The following PSG5 variants were observed in gnomAD, a reference collection of about 807,000 sequenced individuals.
PSG5 encodes the protein pregnancy specific beta-1-glycoprotein 5, also known as pregnancy-specific beta-1-glycoprotein 5.
PSG5 carries 53 observed loss-of-function variants against 37.7 expected under a neutral mutation model. The ratio of observed to expected loss-of-function variants is 1.41; its 90% CI spans 1.13 to 1.77. The LOEUF (loss-of-function observed/expected upper bound fraction) is 1.77, where lower values mean the gene tolerates loss of function less well. Among genes scored for constraint, PSG5 ranks in the 40% most tolerant of loss-of-function variants. PSG5 has a pLI of 0.00. For missense variants in PSG5, 547 were observed against 405.2 expected (o/e 1.35, Z -3.00); for synonymous variants, 221 against 155.4 (o/e 1.42, Z -3.14).
chr19:43,167,791 A>T lies in PSG5; in HGVS notation c.*453T>A, dbSNP rs1409487704. The T allele has an allele frequency of 1.4e-5, 3 of 219,486 alleles. No homozygotes were observed. Among genetic ancestry groups the T allele is most frequent in the African/African-American group, 6.8e-5 (3 of 43,858 alleles). The allele number at this position is 219,486 out of a possible 1,614,324, so 13.6% of individuals were successfully genotyped here. On this transcript the variant is annotated 3_prime_UTR_variant, in exon 6 of 6. Transcript: ENST00000342951. ...TACCATAAACATATGAATACTCATG[A>T]ATAGTTTCCCAATTCTGGGGCACTC...
chr19:43,176,112 G>A lies in PSG5; in HGVS notation c.467C>T (p.Ser156Leu), dbSNP rs4028471. 2 of 1,611,210 alleles carry A rather than the reference G, an allele frequency of 1.2e-6. No individual in the cohort carries two copies. The highest frequency in any genetic ancestry group is 1.7e-6 in the Non-Finnish European group (2 of 1,179,142). Reference sequence around the variant, plus strand: ...GACATCCTTATTCTCCCTGGGTTTTGAGTTGTTGATGGTGATGTAGGGCTT... The same window carrying A: ...GACATCCTTATTCTCCCTGGGTTTTAAGTTGTTGATGGTGATGTAGGGCTT... Reference protein sequence around the residue: ...LPKPYITINNSKPRENKDVLA... With the variant: ...LPKPYITINNLKPRENKDVLA... The change falls in exon 3 of 6, where the codon TCA becomes TTA. Residue 156 changes from serine to leucine, a missense_variant. Coordinates refer to ENST00000342951, the MANE Select transcript of PSG5 (RefSeq NM_002781.4).
Position 43,175,380 on chromosome 19 carries a change from G to T in PSG5, c.799C>A (p.Pro267Thr). 1 of 1,612,856 alleles carries T rather than the reference G, an allele frequency of 6.2e-7. No individual in the cohort carries two copies. The highest frequency in any genetic ancestry group is 8.5e-7 in the Non-Finnish European group (1 of 1,179,268). The change falls in exon 4 of 6, where the codon CCA becomes ACA. Residue 267 changes from proline (P) to threonine (T), a missense_variant. Transcript: ENST00000342951. ...ATTGTCCAAAAATACTCTGCCGGTG[G>T]GTTAGATTCCGCGAAGCAGGACAAG... ...LYLSCFAESN[P>T]PAEYFWTING...
At chr19:43,174,397 T>G (rs1968962044) in intron 4 of PSG5, 1 of 829,966 alleles carries the variant, frequency 1.2e-6, no homozygotes, top group Admixed American at 6.3e-5. Context: ...AATTACACAC[T>G]TTTTGGCACT....
chr19:43,182,453 G>C (rs1476046925), intron 2 of PSG5, among the ~76,000 whole-genome samples: 1 of 151,492 alleles, frequency 6.6e-6, no homozygotes, highest in Non-Finnish European at 1.5e-5. Flanking sequence ...TAATGGCTCA[G>C]CCAGTCATGT....
At chr19:43,178,876 C>G in intron 2 of PSG5, 1 of 1,612,866 alleles carries the variant, frequency 6.2e-7, no homozygotes, top group Non-Finnish European at 8.5e-7. Flanking sequence ...AGAGGATACT[C>G]ACGGAGGAGA....
intron 2 of PSG5, chr19:43,178,865 C>A: frequency 6.2e-7 from 1 of 1,612,906 alleles, no homozygotes; most frequent in Non-Finnish European, 8.5e-7. Flanking sequence ...CACAGAGGAA[C>A]AGAGGATACT....
chr19:43,185,638 G>A (rs764474719), intron 1 of PSG5, among the ~76,000 whole-genome samples: 2 of 151,510 alleles, frequency 1.3e-5, no homozygotes, highest in African/African-American at 4.9e-5. Context: ...AGCTCTGTGA[G>A]GACAGGGACT....
In PSG5 at chr19:43,175,480, G is replaced by C; in HGVS notation, c.710-11C>G. The C allele has an allele frequency of 1.9e-6, 3 of 1,599,092 alleles. No homozygotes were observed. Among genetic ancestry groups the C allele is most frequent in the South Asian group, 1.1e-5 (1 of 88,474 alleles). On this transcript the variant is annotated splice_polypyrimidine_tract_variant and intron_variant, in intron 3 of 5. Coordinates refer to ENST00000342951, the MANE Select transcript of PSG5 (RefSeq NM_002781.4). ...GGAGGTCTGGACCATCTGGAGCAAA[G>C]AGAATGAAGCCACAGGTGATGTCAT...
In PSG5 at chr19:43,170,515, C is replaced by CA. The variant is rs1012244343; in HGVS notation, c.965-378dup. ...CATGAATGAGACTCTGTCAGGTCTCCATGGCAGGGAGCTGATTGACAGAAG... is the reference window on the plus strand; with the variant it reads ...CATGAATGAGACTCTGTCAGGTCTCCAATGGCAGGGAGCTGATTGACAGAAG... On this transcript the variant is annotated intron_variant, in intron 4 of 5. Transcript: ENST00000342951. 26 of 445,038 alleles carry CA rather than the reference C, an allele frequency of 5.8e-5. 1 individual carries two copies. The highest frequency in any genetic ancestry group is 5.4e-4 in the African/African-American group (26 of 47,892). 27.6% of individuals were successfully genotyped at this position (445,038 alleles called of 1,614,324 possible). A position where few individuals can be genotyped will look rare whatever the true frequency, so the allele number is the denominator to read the frequency against.
In PSG5 at chr19:43,168,135, C is replaced by T. The variant is rs774891766; in HGVS notation, c.*109G>A. ...TTGTCAGAGTCTTTTCCATAAATCT[C>T]CTTGAAGAAAAAGCAATTTTGGACT... is the stretch of plus-strand genomic sequence containing the variant. On this transcript the variant is annotated 3_prime_UTR_variant, in exon 6 of 6. Coordinates refer to ENST00000342951, the MANE Select transcript of PSG5 (RefSeq NM_002781.4). 2.3e-6 allele frequency: 1 copy of T among 442,694 alleles called. No individual in the cohort carries two copies. Among genetic ancestry groups the T allele is most frequent in the Non-Finnish European group, 4.1e-6 (1 of 246,912 alleles). The allele number at this position is 442,694 out of a possible 1,614,324, so 27.4% of individuals were successfully genotyped here.
Position 43,175,596 on chromosome 19 carries a change from A to C in PSG5, c.710-127T>G. 2.8e-6 allele frequency: 4 copies of C among 1,453,498 alleles called. No individual in the cohort carries two copies. In the South Asian group the frequency reaches 5.5e-5, roughly 20 times the overall value. 90.0% of individuals were successfully genotyped at this position (1,453,498 alleles called of 1,614,324 possible). A position where few individuals can be genotyped will look rare whatever the true frequency, so the allele number is the denominator to read the frequency against. On this transcript the variant is annotated intron_variant, in intron 3 of 5. Coordinates refer to ENST00000342951, the MANE Select transcript of PSG5 (RefSeq NM_002781.4). ...CTCAAGTCCCAGCCGAACCCCCACT[A>C]TATTCACTGAGCCAAAGCCTGAGGT...
At position 43,175,412 on chromosome 19, in the gene PSG5, T is replaced by C; in HGVS notation, c.767A>G (p.Asn256Ser). The C allele has an allele frequency of 6.2e-7, 1 of 1,612,394 alleles. No homozygotes were observed. Among genetic ancestry groups the C allele is most frequent in the East Asian group, 2.2e-5 (1 of 44,872 alleles). The change falls in exon 4 of 6, where the codon AAC becomes AGC. Residue 256 changes from asparagine to serine, a missense_variant. Asn to Ser is a conservative substitution (Grantham distance 46). Coordinates refer to ENST00000342951, the MANE Select transcript of PSG5 (RefSeq NM_002781.4). ...TTCCGCGAAGCAGGACAAGTAGAGG[T>C]TTTCTCCTGAACGGTAATAGGTGAA... ...PSFTYYRSGE[N>S]LYLSCFAESN...
chr19:43,175,315 G>C lies in PSG5; in HGVS notation c.864C>G (p.Ile288Met). The C allele has an allele frequency of 6.2e-7, 1 of 1,612,812 alleles. No homozygotes were observed. The highest frequency in any genetic ancestry group is 8.5e-7 in the Non-Finnish European group (1 of 1,179,234). The change falls in exon 4 of 6, where the codon ATC (isoleucine) becomes ATG (methionine). Residue 288 changes from isoleucine to methionine, a missense_variant. Ile to Met is a conservative substitution (Grantham distance 10). Coordinates refer to ENST00000342951, the MANE Select transcript of PSG5 (RefSeq NM_002781.4). The part of the protein sequence containing the change: ...KFQQSGQKLS[I>M]PQITTKHRGL... ...CTCTATGCTTTGTAGTAATTTGGGG[G>C]ATAGAGAGCTTTTGTCCTGATTGCT...
chr19:43,168,080 A>C lies in PSG5; in HGVS notation c.*164T>G. On this transcript the variant is annotated 3_prime_UTR_variant, in exon 6 of 6. Transcript: ENST00000342951. Reference sequence around the variant, plus strand: ...TTCTTAGTCCAGTGGTATGATCTTGAAGTTATCAGGAACTTGTATTCAAGA... The same window carrying C: ...TTCTTAGTCCAGTGGTATGATCTTGCAGTTATCAGGAACTTGTATTCAAGA... 2.3e-6 allele frequency: 1 copy of C among 442,702 alleles called. No individual in the cohort carries two copies. The highest frequency in any genetic ancestry group is 4.0e-6 in the Non-Finnish European group (1 of 246,922). The allele number at this position is 442,702 out of a possible 1,614,324, so 27.4% of individuals were successfully genotyped here. A position where few individuals can be genotyped will look rare whatever the true frequency, so the allele number is the denominator to read the frequency against.
At chr19:43,179,337 C>T (rs1969079364) in intron 2 of PSG5, among the ~76,000 whole-genome samples, 1 of 151,472 alleles carries the variant, frequency 6.6e-6, no homozygotes, top group South Asian at 2.1e-4. Flanking sequence ...GATTGTGAGG[C>T]TGCCTGCTTT....
chr19:43,174,199 T>A (rs1445459692), intron 4 of PSG5: 2 of 153,992 alleles, frequency 1.3e-5, no homozygotes, highest in African/African-American at 4.9e-5. Flanking sequence ...TGGTGTGTGC[T>A]AAGGGTTATG....
rs1482836315 is a variant in PSG5, at chr19:43,185,144, G to A, written c.68C>T (p.Ser23Leu). Residue 23 changes from serine to leucine, a missense_variant, in exon 2 of 6, where the codon TCA (serine) becomes TTA (leucine). Ser to Leu is a moderately radical substitution (Grantham distance 145, BLOSUM62 -2). Coordinates refer to ENST00000342951, the MANE Select transcript of PSG5 (RefSeq NM_002781.4). ...ITWKGLLLTA[S>L]LLNFWNLPIT... ...AGGCAGGTTCCAGAAGTTTAAAAGT[G>A]ATGCTAGGAGGTGGAGAAAGCACCA... The A allele has an allele frequency of 6.3e-7, 1 of 1,599,670 alleles. No homozygotes were observed. The highest frequency in any genetic ancestry group is 2.2e-5 in the East Asian group (1 of 44,846).
At chr19:43,182,406 A>C (rs1969147276) in intron 2 of PSG5, among the ~76,000 whole-genome samples, 1 of 151,576 alleles carries the variant, frequency 6.6e-6, no homozygotes, top group Non-Finnish European at 1.5e-5. Context: ...ATTCTTTTGC[A>C]TTCTGGCAAC....
At chr19:43,171,556 G>A in intron 4 of PSG5, 1 of 393,652 alleles carries the variant, frequency 2.5e-6, no homozygotes, top group Non-Finnish European at 4.4e-6. Flanking sequence ...AATGGAAAAA[G>A]AATAGAGGAA....
Sources: allele counts gnomAD v4.1 joint callset (sites outside exome capture counted in the v4.1 genomes callset), GRCh38; gene constraint gnomAD v4.1.1; transcripts MANE v1.5; gene names NCBI Gene and HGNC (gene_info 2026-07-23, HGNC 2026-07-21).